FHIT: variants seen among roughly 807,000 people sequenced by gnomAD.
The protein encoded by FHIT is fragile histidine triad diadenosine triphosphatase.
In FHIT, 19 loss-of-function variants were observed where a neutral mutation model predicts 17.9. The observed-to-expected ratio is 1.06, with a 90% confidence interval of 0.74 to 1.56. FHIT has a LOEUF of 1.56. Ranked by LOEUF, FHIT falls within the 40% of genes most tolerant of loss-of-function variation. FHIT has a pLI of 0.00. For missense variants in FHIT, 248 were observed against 189.2 expected (o/e 1.31, Z -1.82); for synonymous variants, 81 against 69.7 (o/e 1.16, Z -0.81).
chr3:59,986,794 A>ATAAATATAT (rs1708986405), intron 7 of FHIT, among the ~76,000 whole-genome samples: 1 of 50,620 alleles, frequency 2.0e-5, no homozygotes, highest in South Asian at 7.3e-4. Context: ...ATATATATAT[A>ATAAATATAT]AATATATTTT....
intron 5 of FHIT, among the ~76,000 whole-genome samples, chr3:60,241,004 G>T (rs1395169351): frequency 6.6e-6 from 1 of 152,066 alleles, no homozygotes; most frequent in Admixed American, 6.5e-5. Flanking sequence ...AGATTTGTAA[G>T]AATTTAAAAG....
intron 5 of FHIT, among the ~76,000 whole-genome samples, chr3:60,184,197 C>T (rs1405261752): frequency 6.6e-6 from 1 of 151,940 alleles, no homozygotes; most frequent in Non-Finnish European, 1.5e-5. Flanking sequence ...GCTTCCCAGA[C>T]TGGTCTCAGA....
chr3:60,866,550 G>T (rs1377082171), intron 3 of FHIT, among the ~76,000 whole-genome samples: 1 of 152,178 alleles, frequency 6.6e-6, no homozygotes, highest in Non-Finnish European at 1.5e-5. Flanking sequence ...CAAGCCTTCA[G>T]ATGACTATAG....
intron 7 of FHIT, among the ~76,000 whole-genome samples, chr3:59,970,541 T>C (rs111637787): frequency 3.9e-4 from 60 of 152,224 alleles, no homozygotes; most frequent in African/African-American, 1.3e-3. Context: ...TTTATAAGGG[T>C]TGGCTTACAA....
At chr3:60,933,328 T>C (rs935186327) in intron 3 of FHIT, among the ~76,000 whole-genome samples, 1 of 152,192 alleles carries the variant, frequency 6.6e-6, no homozygotes, top group Non-Finnish European at 1.5e-5. Context: ...AAGAAACCAG[T>C]GAAATTCATT....
chr3:60,914,500 T>A (rs1436633498), intron 3 of FHIT, among the ~76,000 whole-genome samples: 1 of 146,738 alleles, frequency 6.8e-6, no homozygotes, highest in Non-Finnish European at 1.5e-5. Flanking sequence ...CATAGGAAAA[T>A]GAGTAAGGTT....
intron 5 of FHIT, among the ~76,000 whole-genome samples, chr3:60,420,170 T>C (rs965314718): frequency 6.6e-6 from 1 of 152,138 alleles, no homozygotes; most frequent in African/African-American, 2.4e-5. Flanking sequence ...ATCACAAATA[T>C]AAAGGCTTTT....
chr3:60,454,343 A>T (rs1413145312), intron 5 of FHIT, among the ~76,000 whole-genome samples: 1 of 151,936 alleles, frequency 6.6e-6, no homozygotes. Flanking sequence ...CCTTGAGCTC[A>T]CAAATCCCAC....
intron 1 of FHIT, among the ~76,000 whole-genome samples, chr3:61,249,390 T>G (rs1397617519): frequency 6.6e-6 from 1 of 152,222 alleles, no homozygotes; most frequent in African/African-American, 2.4e-5. Context: ...GATCTTTGCA[T>G]TAGAATTAAA....
chr3:60,393,793 A>G (rs1028329620), intron 5 of FHIT, among the ~76,000 whole-genome samples: 4 of 152,178 alleles, frequency 2.6e-5, no homozygotes, highest in Non-Finnish European at 5.9e-5. Flanking sequence ...CCCACATGGC[A>G]ACGATTGCAT....
At chr3:59,806,075 G>A (rs910382418) in intron 8 of FHIT, among the ~76,000 whole-genome samples, 19 of 151,920 alleles carry the variant, frequency 1.3e-4, no homozygotes, top group Non-Finnish European at 2.2e-4. Context: ...CAGCTACTCC[G>A]GAGGCTGAGG....
At chr3:61,015,706 C>T (rs1306005340) in intron 3 of FHIT, among the ~76,000 whole-genome samples, 1 of 152,162 alleles carries the variant, frequency 6.6e-6, no homozygotes, top group Non-Finnish European at 1.5e-5. Context: ...GGTTCAATCT[C>T]TCTCTCTCTT....
intron 8 of FHIT, among the ~76,000 whole-genome samples, chr3:59,793,112 A>G (rs867250283): frequency 2.0e-5 from 3 of 152,134 alleles, no homozygotes; most frequent in Admixed American, 6.6e-5. Flanking sequence ...TAGGTGTTTG[A>G]TATTCACTGA....
chr3:60,676,860 T>A (rs185161264), intron 4 of FHIT, among the ~76,000 whole-genome samples: 1 of 151,424 alleles, frequency 6.6e-6, no homozygotes, highest in Non-Finnish European at 1.5e-5. Flanking sequence ...CATAATTTTT[T>A]CTTTTGTTGT....
intron 8 of FHIT, among the ~76,000 whole-genome samples, chr3:59,892,803 A>G (rs1318025237): frequency 6.6e-6 from 1 of 152,188 alleles, no homozygotes; most frequent in Non-Finnish European, 1.5e-5. Context: ...TTCAAAATGA[A>G]CCACCCACCC....
chr3:60,151,266 A>G (rs961312780), intron 5 of FHIT, among the ~76,000 whole-genome samples: 4 of 152,194 alleles, frequency 2.6e-5, no homozygotes, highest in Admixed American at 2.6e-4. Context: ...TAATCATGTG[A>G]TATGACTTTA....
At chr3:59,867,841 T>C (rs1233940548) in intron 8 of FHIT, among the ~76,000 whole-genome samples, 1 of 151,994 alleles carries the variant, frequency 6.6e-6, no homozygotes, top group Non-Finnish European at 1.5e-5. Flanking sequence ...TCTCAAGTCA[T>C]AAGATAAACC....
At chr3:60,519,640 AC>A (rs199824419) in intron 5 of FHIT, among the ~76,000 whole-genome samples, 1,801 of 152,320 alleles carry the variant, frequency 0.012, 34 homozygotes, top group African/African-American at 0.039. Flanking sequence ...ACAGTATTAT[AC>A]TATATGTATT....
intron 8 of FHIT, among the ~76,000 whole-genome samples, chr3:59,795,376 CCT>C (rs977124466): frequency 8.0e-6 from 1 of 125,704 alleles, no homozygotes; most frequent in African/African-American, 2.6e-5. Flanking sequence ...AGAGCAAGAC[CCT>C]GTCTCGAAAA....
Sources: allele counts gnomAD v4.1 joint callset (sites outside exome capture counted in the v4.1 genomes callset), GRCh38; gene constraint gnomAD v4.1.1; transcripts MANE v1.5; gene names NCBI Gene and HGNC (gene_info 2026-07-23, HGNC 2026-07-21).